The following SMG6 variants were observed in gnomAD, a reference collection of about 807,000 sequenced individuals.
SMG6 encodes the protein telomerase-binding protein EST1A.
In SMG6, 66 loss-of-function variants were observed where a neutral mutation model predicts 142.2. That is an observed-to-expected ratio of 0.46 (90% confidence interval 0.38 to 0.57). The LOEUF is 0.57. SMG6 is among the 20% of genes least tolerant of loss of function. SMG6 has a pLI of 0.00. For missense variants in SMG6, 1,793 were observed against 1,832.0 expected, an observed-to-expected ratio of 0.98 and a Z score of 0.39; for synonymous variants, 779 against 702.4, an observed-to-expected ratio of 1.11 and a Z score of -1.72.
intron 11 of SMG6, among the ~76,000 whole-genome samples, chr17:2,187,985 G>A (rs1424637797): frequency 6.6e-6 from 1 of 152,146 alleles, no homozygotes; most frequent in Non-Finnish European, 1.5e-5. Flanking sequence ...ATCTGGTCCA[G>A]TGAGTCTCCC....
At chr17:2,171,620 C>T (rs1309814530) in intron 13 of SMG6, among the ~76,000 whole-genome samples, 1 of 152,006 alleles carries the variant, frequency 6.6e-6, no homozygotes, top group African/African-American at 2.4e-5. Context: ...GCGATCCGCC[C>T]GTCTCCGCTT....
intron 15 of SMG6, chr17:2,073,074 T>G (rs2068151556): frequency 6.6e-6 from 1 of 151,252 alleles, no homozygotes; most frequent in African/African-American, 2.4e-5. Context: ...GATGTGTTTT[T>G]TTTGTTTTGT....
intron 8 of SMG6, among the ~76,000 whole-genome samples, chr17:2,275,028 C>T (rs1347023846): frequency 1.3e-5 from 2 of 148,904 alleles, no homozygotes; most frequent in East Asian, 2.0e-4. Flanking sequence ...AAAAAATAGG[C>T]GTGAGCATAA....
At chr17:2,147,913 C>G (rs1037317077) in intron 13 of SMG6, among the ~76,000 whole-genome samples, 1 of 152,094 alleles carries the variant, frequency 6.6e-6, no homozygotes, top group Non-Finnish European at 1.5e-5. Context: ...ACACAGATGA[C>G]CGGGCACGGT....
chr17:2,143,595 C>T (rs567473626), intron 13 of SMG6, among the ~76,000 whole-genome samples: 5 of 152,136 alleles, frequency 3.3e-5, no homozygotes, highest in Admixed American at 6.5e-5. Context: ...ATGGAGATGA[C>T]GCGATAGGTA....
intron 12 of SMG6, among the ~76,000 whole-genome samples, chr17:2,185,480 CATCT>C (rs1286402269): frequency 2.0e-5 from 3 of 152,054 alleles, no homozygotes; most frequent in African/African-American, 7.3e-5. Flanking sequence ...GCAAATGTTA[CATCT>C]ATCTCCACAA....
intron 13 of SMG6, among the ~76,000 whole-genome samples, chr17:2,165,977 C>T (rs529826601): frequency 3.9e-5 from 6 of 152,112 alleles, no homozygotes; most frequent in South Asian, 2.1e-4. Context: ...TTAGGGAGGC[C>T]GAGGTGGGCG....
At chr17:2,073,382 C>A (rs1037323926) in intron 15 of SMG6, among the ~76,000 whole-genome samples, 1 of 151,780 alleles carries the variant, frequency 6.6e-6, no homozygotes, top group Non-Finnish European at 1.5e-5. Flanking sequence ...CTGTGCCCAG[C>A]GTTTTTTTGT....
chr17:2,064,315 C>A (rs191101394), intron 18 of SMG6, among the ~76,000 whole-genome samples: 7 of 152,180 alleles, frequency 4.6e-5, no homozygotes, highest in Non-Finnish European at 8.8e-5. Context: ...GAGCAGAAAA[C>A]CCTAGTGTCA....
intron 16 of SMG6, among the ~76,000 whole-genome samples, chr17:2,066,290 CTG>C (rs564575614): frequency 4.0e-5 from 6 of 150,622 alleles, no homozygotes; most frequent in Non-Finnish European, 7.4e-5. Context: ...GTGTATGTGT[CTG>C]TGTGCGTGTG....
chr17:2,233,404 C>T (rs1754427465), intron 10 of SMG6: 1 of 152,406 alleles, frequency 6.6e-6, no homozygotes, highest in African/African-American at 2.4e-5. Flanking sequence ...ACCACAGACC[C>T]CAGTACCTGG....
chr17:2,112,771 T>C (rs2069378258), intron 13 of SMG6, among the ~76,000 whole-genome samples: 1 of 149,384 alleles, frequency 6.7e-6, no homozygotes, highest in African/African-American at 2.4e-5. Flanking sequence ...TTTTTTTTTT[T>C]TTTTGAGACA....
At chr17:2,114,115 C>T (rs1453910991) in intron 13 of SMG6, among the ~76,000 whole-genome samples, 4 of 151,850 alleles carry the variant, frequency 2.6e-5, no homozygotes, top group Non-Finnish European at 5.9e-5. Flanking sequence ...TAAAAAAATA[C>T]AAAAATTAGC....
Position 2,092,598 on chromosome 17 carries a change from C to T in SMG6, c.3358-6697G>A, listed in dbSNP as rs572615905. Among the ~76,000 whole-genome samples the T allele has an allele frequency of 5.8e-4, 89 of 152,220 alleles. No homozygotes were observed. In the Middle Eastern group the frequency reaches 0.01, roughly 17 times the overall value. Reference sequence around the variant, plus strand: ...ATCCCAAGACAGGGTTACTGAAGATCCCAAAAGGTACACGTATATTTGGCT... The same window carrying T: ...ATCCCAAGACAGGGTTACTGAAGATTCCAAAAGGTACACGTATATTTGGCT... On this transcript the variant is annotated intron_variant, in intron 13 of 18. Transcript: ENST00000263073.
intron 10 of SMG6, among the ~76,000 whole-genome samples, chr17:2,218,533 GA>G (rs1289144909): frequency 6.6e-6 from 1 of 152,086 alleles, no homozygotes; most frequent in Non-Finnish European, 1.5e-5. Context: ...GCGACAGACC[GA>G]GACTCCGTCT....
intron 13 of SMG6, among the ~76,000 whole-genome samples, chr17:2,112,227 G>A (rs996317825): frequency 2.2e-4 from 33 of 151,930 alleles, no homozygotes; most frequent in Non-Finnish European, 3.5e-4. Context: ...AAAGTCGGCC[G>A]GGCGCGGTGG....
At chr17:2,089,944 G>C (rs1167946556) in intron 13 of SMG6, among the ~76,000 whole-genome samples, 1 of 152,058 alleles carries the variant, frequency 6.6e-6, no homozygotes, top group Non-Finnish European at 1.5e-5. Flanking sequence ...AGCACTTTGG[G>C]AGGCCAAGGT....
rs766572451 is a variant in SMG6, at chr17:2,298,943, T to C, written c.1810A>G (p.Ile604Val). The C allele has an allele frequency of 6.2e-7, 1 of 1,614,098 alleles. No individual in the cohort carries two copies. The highest frequency in any genetic ancestry group is 1.7e-5 in the Admixed American group (1 of 60,016). Residue 604 changes from isoleucine (I) to valine (V), a missense_variant, in exon 2 of 19, where the codon ATC becomes GTC. By Grantham distance (29) the Ile-to-Val change is conservative. Around this residue, in one of 3 missense-constraint regions of SMG6, gnomAD observed 1,597 missense variants for 1,584.6 expected, o/e 1.01. Transcript: ENST00000263073. The stretch of plus-strand genomic sequence containing the variant: ...ATCTTCTCCAGGCCCTCCGGACTGA[T>C]GCGGTCCCTGGAGAGCAGGTTGCTG... ...QLSNLLSRDR[I>V]SPEGLEKMAQ...
At chr17:2,271,735 T>C (rs1392473978) in intron 8 of SMG6, among the ~76,000 whole-genome samples, 6 of 151,894 alleles carry the variant, frequency 4.0e-5, no homozygotes, top group African/African-American at 1.5e-4. Flanking sequence ...AAAATAAAAA[T>C]AAAAAGCTGT....
Sources: allele counts gnomAD v4.1 joint callset (sites outside exome capture counted in the v4.1 genomes callset), GRCh38; gene constraint gnomAD v4.1.1; regional missense constraint gnomAD v4.1.1; transcripts MANE v1.5; gene names NCBI Gene and HGNC (gene_info 2026-07-23, HGNC 2026-07-21).